Variants in ZNF827 observed in about 807,000 individuals in gnomAD.
The protein encoded by ZNF827 is zinc finger protein 827.
Under a neutral mutation model 102.4 loss-of-function variants are expected in ZNF827, and 13 were observed. The ratio of observed to expected loss-of-function variants is 0.13; its 90% CI spans 0.08 to 0.20. The LOEUF (loss-of-function observed/expected upper bound fraction) is 0.20. Among genes scored for constraint, ZNF827 ranks in the 10% least tolerant of loss-of-function variants. The probability of loss-of-function intolerance (pLI) is 1.00; values close to 1 mark genes in which losing one functional copy is unlikely to be tolerated. For synonymous variants in ZNF827, 523 were observed against 536.2 expected (o/e 0.98, Z 0.34); for missense variants, 1,103 against 1,344.4 (o/e 0.82, Z 2.81).
At chr4:145,808,541 G>C (rs571667062) in intron 8 of ZNF827, among the ~76,000 whole-genome samples, 17 of 152,188 alleles carry the variant, frequency 1.1e-4, no homozygotes, top group Non-Finnish European at 2.5e-4. Flanking sequence ...GGAAAGCCCC[G>C]ATAGGAAAGA....
At chr4:145,922,104 T>G (rs1159922536) in intron 1 of ZNF827, among the ~76,000 whole-genome samples, 1 of 152,254 alleles carries the variant, frequency 6.6e-6, no homozygotes, top group East Asian at 1.9e-4. Context: ...ATTCCCCATC[T>G]TCAGGATTCT....
intron 7 of ZNF827, among the ~76,000 whole-genome samples, chr4:145,829,395 T>A (rs969004984): frequency 5.3e-5 from 8 of 152,130 alleles, no homozygotes; most frequent in African/African-American, 1.9e-4. Flanking sequence ...TAGATTTTTT[T>A]AAAATAGTGA....
chr4:145,862,663 C>T (rs557674647), intron 5 of ZNF827, among the ~76,000 whole-genome samples: 1 of 152,140 alleles, frequency 6.6e-6, no homozygotes, highest in Non-Finnish European at 1.5e-5. Context: ...TGCCATCAGA[C>T]ATATAAAGAA....
At chr4:145,918,416 A>AT (rs1163797010) in intron 1 of ZNF827, among the ~76,000 whole-genome samples, 9 of 144,192 alleles carry the variant, frequency 6.2e-5, no homozygotes, top group Non-Finnish European at 1.1e-4. Context: ...CTTTATATAT[A>AT]AAAAAAAAAA....
chr4:145,821,104 C>T (rs1361784758), intron 8 of ZNF827, among the ~76,000 whole-genome samples: 4 of 152,118 alleles, frequency 2.6e-5, no homozygotes, highest in Non-Finnish European at 4.4e-5. Context: ...GCCCAGTGGA[C>T]CTGAAGCAAC....
At chr4:145,901,795 T>C (rs184728132) in intron 2 of ZNF827, among the ~76,000 whole-genome samples, 6 of 152,310 alleles carry the variant, frequency 3.9e-5, no homozygotes, top group Non-Finnish European at 5.9e-5. Context: ...TGGGTTTTTT[T>C]CCCCTTATGT....
At chr4:145,777,629 CT>C (rs1737321779) in intron 9 of ZNF827, among the ~76,000 whole-genome samples, 1 of 152,230 alleles carries the variant, frequency 6.6e-6, no homozygotes, top group Non-Finnish European at 1.5e-5. Context: ...ATTAGGTTTC[CT>C]TTTTCATTCC....
Position 145,938,624 on chromosome 4 carries a change from T to A in ZNF827, c.-217A>T. 3 of 265,998 alleles carry A rather than the reference T, an allele frequency of 1.1e-5. No homozygotes were observed. The highest frequency in any genetic ancestry group is 1.2e-5 in the Non-Finnish European group (2 of 167,216). The allele number at this position is 265,998 out of a possible 1,614,324, so 16.5% of individuals were successfully genotyped here. A position where few individuals can be genotyped will look rare whatever the true frequency, so the allele number is the denominator to read the frequency against. ...TCTTTTCTTTCCTTTCTTTTTTCCT[T>A]TTTTTTTTTTTTTTAAATTTTTGGT... On this transcript the variant is annotated 5_prime_UTR_variant, in exon 1 of 15. Transcript: ENST00000508784.
intron 3 of ZNF827, among the ~76,000 whole-genome samples, chr4:145,887,262 G>A (rs866871907): frequency 6.6e-6 from 1 of 152,008 alleles, no homozygotes. Context: ...GTCTCACCAA[G>A]GTTAAAGGCT....
At chr4:145,782,700 T>C (rs7677608) in intron 8 of ZNF827, among the ~76,000 whole-genome samples, 4,412 of 152,282 alleles carry the variant, frequency 0.029, 203 homozygotes, top group African/African-American at 0.099. Flanking sequence ...TTGTTCTGTA[T>C]GGCAAAGGCT....
At chr4:145,912,845 G>C (rs1329496220) in intron 1 of ZNF827, among the ~76,000 whole-genome samples, 1 of 152,182 alleles carries the variant, frequency 6.6e-6, no homozygotes, top group Non-Finnish European at 1.5e-5. Flanking sequence ...ATAAATTTCT[G>C]TTGTTTAAGC....
intron 1 of ZNF827, among the ~76,000 whole-genome samples, chr4:145,915,218 C>T (rs1053067253): frequency 1.3e-5 from 2 of 152,094 alleles, no homozygotes; most frequent in Non-Finnish European, 2.9e-5. Context: ...GAGGCTGAGG[C>T]GGGTGGATCA....
At chr4:145,796,713 T>A (rs764286562) in intron 8 of ZNF827, among the ~76,000 whole-genome samples, 1 of 142,510 alleles carries the variant, frequency 7.0e-6, no homozygotes, top group Non-Finnish European at 1.5e-5. Flanking sequence ...CACTGCAACC[T>A]CTGCCTCCCG....
At position 145,870,160 on chromosome 4, in the gene ZNF827, T is replaced by C. The variant is rs1019158790; in HGVS notation, c.1981+85A>G. 3 of 1,304,534 alleles carry C rather than the reference T, an allele frequency of 2.3e-6. No individual in the cohort carries two copies. In the African/African-American group the frequency reaches 4.5e-5, roughly 19 times the overall value. 80.8% of individuals were successfully genotyped at this position (1,304,534 alleles called of 1,614,324 possible). ...ATAATGCGATATTGCTGCCATTGGG[T>C]TAATTATAACCCATGCAGGAAGCAG... On this transcript the variant is annotated intron_variant, in intron 5 of 14. Coordinates refer to ENST00000508784, the MANE Select transcript of ZNF827 (RefSeq NM_001306215.2).
chr4:145,934,674 T>C (rs1754034818), intron 1 of ZNF827, among the ~76,000 whole-genome samples: 1 of 152,230 alleles, frequency 6.6e-6, no homozygotes, highest in African/African-American at 2.4e-5. Flanking sequence ...CCAGGTTCCC[T>C]GGTGTCTGTG....
chr4:145,796,623 C>CTTTTTT (rs34553120), intron 8 of ZNF827, among the ~76,000 whole-genome samples: 3 of 113,926 alleles, frequency 2.6e-5, no homozygotes, highest in Non-Finnish European at 1.8e-5. Flanking sequence ...ATTTGTTCCT[C>CTTTTTT]TTTTTTTTTT....
At chr4:145,829,544 A>T (rs1157840375) in intron 7 of ZNF827, among the ~76,000 whole-genome samples, 1 of 152,254 alleles carries the variant, frequency 6.6e-6, no homozygotes, top group Non-Finnish European at 1.5e-5. Flanking sequence ...AATCTGGGGT[A>T]ATTTTTAATT....
At chr4:145,901,425 C>CTA (rs918206367) in intron 2 of ZNF827, among the ~76,000 whole-genome samples, 4 of 152,180 alleles carry the variant, frequency 2.6e-5, no homozygotes, top group African/African-American at 9.7e-5. Context: ...TGCTAAGGTC[C>CTA]TATATGACAG....
rs1734611187 is a variant in ZNF827, at chr4:145,762,130, A to G, written c.*18-532T>C. Among the ~76,000 whole-genome samples the G allele has an allele frequency of 6.6e-6, 1 of 152,162 alleles. No individual in the cohort carries two copies. Among genetic ancestry groups the G allele is most frequent in the Non-Finnish European group, 1.5e-5 (1 of 68,024 alleles). ...GCAAACAGAAAGTCACAGGGGTCAG[A>G]ATCGTGCTTATTAAGGGTTTGTTAG... On this transcript the variant is annotated intron_variant, in intron 14 of 14. Coordinates refer to ENST00000508784, the MANE Select transcript of ZNF827 (RefSeq NM_001306215.2). The surrounding 1 kb of genome is among the most constrained non-coding windows in gnomAD (Gnocchi z 4.9).
Sources: gnomAD v4.1 joint callset for allele counts (sites outside exome capture counted in the v4.1 genomes callset) on GRCh38, gnomAD v4.1.1 for gene constraint, Gnocchi (gnomAD v3.1) non-coding constraint, MANE v1.5 for transcripts, NCBI Gene and HGNC (gene_info 2026-07-23, HGNC 2026-07-21) for gene names.